Variants in CCDC150 observed in about 807,000 individuals in gnomAD.
The protein encoded by CCDC150 is coiled-coil domain containing 150.
A neutral mutation model predicts 156.5 loss-of-function variants in CCDC150; 151 were observed. That is an observed-to-expected ratio of 0.97 (90% confidence interval 0.85 to 1.10). CCDC150 has a LOEUF of 1.10. CCDC150 is among the 50% of genes least tolerant of loss of function. The pLI is 0.00. For synonymous variants in CCDC150, 452 were observed against 429.4 expected (o/e 1.05, Z -0.65); for missense variants, 1,312 against 1,268.1 (o/e 1.03, Z -0.53).
intron 2 of CCDC150, among the ~76,000 whole-genome samples, chr2:196,655,328 C>T (rs558322468): frequency 6.6e-6 from 1 of 152,232 alleles, no homozygotes; most frequent in South Asian, 2.1e-4. Flanking sequence ...AAATCAGCTC[C>T]CAGAGCTGGG....
chr2:196,691,406 G>A (rs1480892075), intron 13 of CCDC150, among the ~76,000 whole-genome samples: 1 of 152,126 alleles, frequency 6.6e-6, no homozygotes, highest in Non-Finnish European at 1.5e-5. Context: ...TCTGTTCAGG[G>A]ATTCAATTTC....
rs181265120 is a variant in CCDC150, at chr2:196,671,531, G to A, written c.937-814G>A. Among the ~76,000 whole-genome samples, 297 of 147,768 alleles carry A rather than the reference G, an allele frequency of 2.0e-3. 3 individuals are homozygous for A. Among genetic ancestry groups the A allele is most frequent in the Admixed American group, 0.018 (264 of 14,348 alleles). On this transcript the variant is annotated intron_variant, in intron 8 of 27. Transcript: ENST00000389175. ...CAACCTCCACCTCCTGGGTTCAAGC[G>A]ATTCTCCTGTCTCAGCCTCCCGAGT...
rs181244179 is a variant in CCDC150, at chr2:196,730,047, C to T, written c.2911C>T (p.Arg971Trp). 47 of 1,613,676 alleles carry T rather than the reference C, an allele frequency of 2.9e-5. No individual in the cohort carries two copies. The East Asian group carries it at 8.2e-4, about 28-fold the overall frequency. Reference sequence around the variant, plus strand: ...TAAGAGCCAATATGATGCCTCAGTGCGGAATAAACAGCAAGAGCTGCACCT... The same window carrying T: ...TAAGAGCCAATATGATGCCTCAGTGTGGAATAAACAGCAAGAGCTGCACCT... ...LAKSQYDASV[R>W]NKQQELHLEA... is the part of the protein sequence containing the mutation. The change falls in exon 25 of 28, where the codon CGG becomes TGG. Residue 971 changes from arginine to tryptophan, a missense_variant. Transcript: ENST00000389175.
chr2:196,702,610 A>G (rs557398758), intron 15 of CCDC150, among the ~76,000 whole-genome samples: 39 of 151,954 alleles, frequency 2.6e-4, no homozygotes, highest in African/African-American at 9.4e-4. Flanking sequence ...AGCTCAAGCA[A>G]TCTGCCTGCC....
At chr2:196,693,373 C>T (rs1472642482) in intron 13 of CCDC150, among the ~76,000 whole-genome samples, 1 of 152,116 alleles carries the variant, frequency 6.6e-6, no homozygotes, top group Non-Finnish European at 1.5e-5. Context: ...ATATCTTAGA[C>T]ATATTTTGTT....
rs1314486633 is a variant in CCDC150, at chr2:196,732,164, A to G, written c.3189+12A>G. On this transcript the variant is annotated intron_variant, in intron 27 of 27. Coordinates refer to ENST00000389175, the MANE Select transcript of CCDC150 (RefSeq NM_001080539.2). Reference sequence around the variant, plus strand: ...GGTGGCAGGAAAAGGTAAGATTAAGACATGGATGTCTTAAGCAATTTTCTA... The same window carrying G: ...GGTGGCAGGAAAAGGTAAGATTAAGGCATGGATGTCTTAAGCAATTTTCTA... The G allele has an allele frequency of 6.2e-7, 1 of 1,613,518 alleles. No individual in the cohort carries two copies. Among genetic ancestry groups the G allele is most frequent in the Non-Finnish European group, 8.5e-7 (1 of 1,179,752 alleles).
chr2:196,731,026 T>A (rs891360276), intron 26 of CCDC150, 81 bp downstream of exon 26: 2 of 1,012,160 alleles, frequency 2.0e-6, no homozygotes, highest in African/African-American at 3.3e-5. Flanking sequence ...CAATGTGAAA[T>A]CCTTCATTAA....
intron 21 of CCDC150, among the ~76,000 whole-genome samples, chr2:196,723,365 G>A (rs1387330710): frequency 1.3e-5 from 2 of 152,070 alleles, no homozygotes; most frequent in East Asian, 1.9e-4. Context: ...GTGTGGTGGT[G>A]TATGCCTGTA....
rs761431586 is a variant in CCDC150 at position 196,732,495 on chromosome 2, G to A, written c.3239G>A (p.Arg1080Gln). The change falls in exon 28 of 28, where the codon CGA becomes CAA. Residue 1080 changes from arginine (R) to glutamine (Q), a missense_variant. Physicochemically the swap from Arg to Gln is conservative, Grantham distance 43 (BLOSUM62 1). Coordinates refer to ENST00000389175, the MANE Select transcript of CCDC150 (RefSeq NM_001080539.2). ...DVMSNQSVLH[R>Q]WERKQNLRPM... ...ATGTCCAACCAATCTGTTCTGCATCGATGGGAGAGAAAACAGAATCTTAGG... is the reference window on the plus strand; with the variant it reads ...ATGTCCAACCAATCTGTTCTGCATCAATGGGAGAGAAAACAGAATCTTAGG... 1.2e-5 allele frequency: 20 copies of A among 1,613,738 alleles called. No individual in the cohort carries two copies. Among genetic ancestry groups the A allele is most frequent in the African/African-American group, 2.7e-5 (2 of 75,028 alleles).
rs1201668490 is a variant in CCDC150 at position 196,729,595 on chromosome 2, C to T, written c.2752-198C>T. 1.7e-5 allele frequency: 11 copies of T among 656,054 alleles called. No individual in the cohort carries two copies. In the Admixed American group the frequency reaches 2.6e-4, roughly 16 times the overall value. 40.6% of individuals were successfully genotyped at this position (656,054 alleles called of 1,614,324 possible). A position where few individuals can be genotyped will look rare whatever the true frequency, so the allele number is the denominator to read the frequency against. ...ATTTGCTGCCAGTGTCACATTCCGGCTCCCTATCTGTCCCTTCCGTGTTGA... is the reference window on the plus strand; with the variant it reads ...ATTTGCTGCCAGTGTCACATTCCGGTTCCCTATCTGTCCCTTCCGTGTTGA... On this transcript the variant is annotated intron_variant, in intron 23 of 27. Transcript: ENST00000389175.
chr2:196,661,664 C>T (rs1388156325), intron 5 of CCDC150, among the ~76,000 whole-genome samples: 1 of 151,952 alleles, frequency 6.6e-6, no homozygotes, highest in African/African-American at 2.4e-5. Context: ...ATTTATCTTC[C>T]TAAGAGATAA....
At chr2:196,727,405 C>CA (rs778165878) in intron 22 of CCDC150, 94 of 148,478 alleles carry the variant, frequency 6.3e-4, no homozygotes, top group Non-Finnish European at 8.2e-4. Context: ...GACTCCGTCT[C>CA]AAAAAAAAAG....
At chr2:196,713,408 C>A in intron 17 of CCDC150, 1 of 1,535,512 alleles carries the variant, frequency 6.5e-7, no homozygotes. Context: ...TTCAAAATCC[C>A]CCGAAATCTC....
chr2:196,729,937 C>T lies in CCDC150; in HGVS notation c.2821-20C>T. ...CTTGGAGGGTGTTCACCAAATGTCTCTGTCTTTGTATCCTTCCAGTCTTTG... is the reference window on the plus strand; with the variant it reads ...CTTGGAGGGTGTTCACCAAATGTCTTTGTCTTTGTATCCTTCCAGTCTTTG... On this transcript the variant is annotated intron_variant, in intron 24 of 27. Coordinates refer to ENST00000389175, the MANE Select transcript of CCDC150 (RefSeq NM_001080539.2). 1 of 1,609,596 alleles carries T rather than the reference C, an allele frequency of 6.2e-7. No individual in the cohort carries two copies.
At chr2:196,653,344 T>C (rs1053698849) in intron 2 of CCDC150, among the ~76,000 whole-genome samples, 1 of 152,244 alleles carries the variant, frequency 6.6e-6, no homozygotes, top group African/African-American at 2.4e-5. Flanking sequence ...TGTAGACTGT[T>C]AAGAGCAGCT....
At position 196,711,534 on chromosome 2, in the gene CCDC150, G is replaced by GAT. The variant is rs1429127234; in HGVS notation, c.1696-610_1696-609dup. On this transcript the variant is annotated intron_variant, in intron 15 of 27. Transcript: ENST00000389175. The stretch of plus-strand genomic sequence containing the variant: ...AATATGGAAAAACGTATAATTTGGA[G>GAT]ATTTATAAGTATATATTAAATGATT... 2.0e-5 allele frequency among the ~76,000 whole-genome samples: 3 copies of GAT among 152,146 alleles called. No individual in the cohort carries two copies. The East Asian group carries it at 5.8e-4, about 29-fold the overall frequency.
chr2:196,677,516 A>G (rs565815528), intron 13 of CCDC150, among the ~76,000 whole-genome samples, 155 bp downstream of exon 13: 42 of 152,292 alleles, frequency 2.8e-4, no homozygotes, highest in African/African-American at 1.0e-3. Flanking sequence ...CACACCAGTC[A>G]CTGCAGCAGA....
intron 17 of CCDC150, chr2:196,713,053 A>C: frequency 2.1e-6 from 1 of 472,864 alleles, no homozygotes; most frequent in South Asian, 3.8e-5. Context: ...TATGTTTTCA[A>C]ATGGAATACT....
intron 2 of CCDC150, among the ~76,000 whole-genome samples, chr2:196,653,846 A>T (rs568949353): frequency 1.3e-5 from 2 of 152,336 alleles, no homozygotes; most frequent in Non-Finnish European, 2.9e-5. Context: ...TGGGTAATTT[A>T]TAAAGAAAAG....
Sources: allele counts gnomAD v4.1 joint callset (sites outside exome capture counted in the v4.1 genomes callset), GRCh38; gene constraint gnomAD v4.1.1; transcripts MANE v1.5; gene names NCBI Gene and HGNC (gene_info 2026-07-23, HGNC 2026-07-21).